SUSD4: variants seen among roughly 807,000 people sequenced by gnomAD.
SUSD4 encodes sushi domain-containing protein 4.
In SUSD4, 41 loss-of-function variants were observed where a neutral mutation model predicts 50.5. That is an observed-to-expected ratio of 0.81 (90% CI 0.63 to 1.05). The LOEUF is 1.05. Ranked by LOEUF, SUSD4 falls within the 50% of genes least tolerant of loss-of-function variation. The pLI, the probability that SUSD4 is intolerant of heterozygous loss-of-function variation, is 0.00. For synonymous variants in SUSD4, 257 were observed against 257.3 expected (o/e 1.00, Z 0.01); for missense variants, 580 against 634.7 (o/e 0.91, Z 0.93).
chr1:223,324,316 G>A (rs1419836826), intron 2 of SUSD4, among the ~76,000 whole-genome samples: 2 of 151,462 alleles, frequency 1.3e-5, no homozygotes, highest in Non-Finnish European at 2.9e-5. Flanking sequence ...AAGGCAGAGT[G>A]TCTTGGGGCC....
chr1:223,349,282 AGT>A (rs981484622), intron 2 of SUSD4, among the ~76,000 whole-genome samples: 1 of 152,242 alleles, frequency 6.6e-6, no homozygotes, highest in Non-Finnish European at 1.5e-5. Context: ...GATGGCCTCC[AGT>A]TACTATGGAT....
At position 223,348,540 on chromosome 1, in the gene SUSD4, T is replaced by C. The variant is rs549808707; in HGVS notation, c.148+14738A>G. 9.2e-5 allele frequency among the ~76,000 whole-genome samples: 14 copies of C among 152,332 alleles called. No homozygotes were observed. In the South Asian group the frequency reaches 2.9e-3, roughly 32 times the overall value. The stretch of plus-strand genomic sequence containing the variant: ...CAAGCCAGTTGTGGCAGGAAACTTT[T>C]CTAAATTGCAGGATGTTTTCAATTG... On this transcript the variant is annotated intron_variant, in intron 2 of 8. Transcript: ENST00000366878.
At chr1:223,335,738 G>A (rs1218691763) in intron 2 of SUSD4, among the ~76,000 whole-genome samples, 2 of 152,124 alleles carry the variant, frequency 1.3e-5, no homozygotes, top group African/African-American at 2.4e-5. Context: ...AATCTAACAC[G>A]AAGCAGTCAA....
intron 2 of SUSD4, among the ~76,000 whole-genome samples, chr1:223,327,225 C>G (rs912426637): frequency 1.3e-5 from 2 of 152,176 alleles, no homozygotes; most frequent in African/African-American, 2.4e-5. Flanking sequence ...TGAAGTAAGA[C>G]AGCAGTGAAA....
At position 223,223,265 on chromosome 1, in the gene SUSD4, G is replaced by T; in HGVS notation, c.1428C>A (p.Gly476=). The T allele has an allele frequency of 6.5e-7, 1 of 1,548,708 alleles. No homozygotes were observed. Among genetic ancestry groups the T allele is most frequent in the South Asian group, 1.2e-5 (1 of 80,186 alleles). Residue 476 remains glycine, a synonymous_variant, in exon 8 of 9, where the codon GGC becomes GGA. Transcript: ENST00000366878. ...AGCACTTACCATCTGCAATGTCGAT[G>T]CCTGGGCTGGTGGATGCCACCTCCT... ...TAEEVASTSP[G]IDIADEIPLM...
At chr1:223,335,916 C>G (rs942341550) in intron 2 of SUSD4, among the ~76,000 whole-genome samples, 2 of 151,664 alleles carry the variant, frequency 1.3e-5, no homozygotes, top group Non-Finnish European at 2.9e-5. Context: ...ATTCTTTGGT[C>G]GATTTCGGGA....
chr1:223,362,945 T>TCCCCCCCCCCCCCCCCCCCC (rs72009594), intron 2 of SUSD4, among the ~76,000 whole-genome samples: 1 of 93,252 alleles, frequency 1.1e-5, no homozygotes. Flanking sequence ...CCCCCACCCC[T>TCCCCCCCCCCCCCCCCCCCC]CCCCCCCCCG....
chr1:223,274,809 T>C (rs1033845423), intron 3 of SUSD4, among the ~76,000 whole-genome samples: 2 of 152,118 alleles, frequency 1.3e-5, no homozygotes. Flanking sequence ...AAAATGACCA[T>C]ACCTGGGCAA....
intron 2 of SUSD4, among the ~76,000 whole-genome samples, chr1:223,344,436 G>A (rs1168557598): frequency 6.6e-6 from 1 of 152,094 alleles, no homozygotes; most frequent in Non-Finnish European, 1.5e-5. Flanking sequence ...CTGTGCTGAT[G>A]TTGCACTCTC....
chr1:223,315,757 G>A (rs944935104), intron 2 of SUSD4, among the ~76,000 whole-genome samples: 1 of 152,098 alleles, frequency 6.6e-6, no homozygotes, highest in African/African-American at 2.4e-5. Context: ...CTTTAAGTTG[G>A]TCTCAGAGAA....
chr1:223,222,991 G>A (rs1181125686), intron 8 of SUSD4, among the ~76,000 whole-genome samples: 1 of 152,180 alleles, frequency 6.6e-6, no homozygotes, highest in African/African-American at 2.4e-5. Flanking sequence ...TGGATGGCTC[G>A]ATGCCTTTTG....
At chr1:223,352,193 G>C (rs1488455793) in intron 2 of SUSD4, among the ~76,000 whole-genome samples, 2 of 152,198 alleles carry the variant, frequency 1.3e-5, no homozygotes, top group African/African-American at 4.8e-5. Flanking sequence ...AGATGCAAAG[G>C]CAACTGCTAC....
intron 5 of SUSD4, among the ~76,000 whole-genome samples, chr1:223,237,448 A>G (rs1660297009): frequency 6.6e-6 from 1 of 151,930 alleles, no homozygotes; most frequent in East Asian, 1.9e-4. Flanking sequence ...GAAAACTTCT[A>G]GTTTCTCTTC....
At chr1:223,350,771 A>G (rs1161040073) in intron 2 of SUSD4, among the ~76,000 whole-genome samples, 3 of 152,188 alleles carry the variant, frequency 2.0e-5, no homozygotes, top group Non-Finnish European at 4.4e-5. Flanking sequence ...CAAGAGGAAA[A>G]GTACAGTGCC....
intron 2 of SUSD4, among the ~76,000 whole-genome samples, chr1:223,321,684 G>C (rs898031574): frequency 6.6e-6 from 1 of 152,156 alleles, no homozygotes; most frequent in South Asian, 2.1e-4. Flanking sequence ...TTGAACCATG[G>C]ATGCCTTTGG....
intron 2 of SUSD4, among the ~76,000 whole-genome samples, chr1:223,359,988 C>T (rs1374986895): frequency 1.3e-5 from 2 of 152,134 alleles, no homozygotes; most frequent in Admixed American, 6.5e-5. Flanking sequence ...TCCAAAATCA[C>T]GGCATTGTCT....
intron 5 of SUSD4, among the ~76,000 whole-genome samples, chr1:223,257,216 ATGACGGGC>A (rs2103056700): frequency 6.6e-6 from 1 of 152,260 alleles, no homozygotes; most frequent in South Asian, 2.1e-4. Context: ...AAGAATGTAG[ATGACGGGC>A]TGGGTGCGGT....
chr1:223,323,061 C>T (rs758935393), intron 2 of SUSD4, among the ~76,000 whole-genome samples: 1 of 152,002 alleles, frequency 6.6e-6, no homozygotes, highest in African/African-American at 2.4e-5. Flanking sequence ...TAGGTAGAGA[C>T]TGAAAGAAGA....
chr1:223,301,597 C>T (rs1665200344), intron 2 of SUSD4, among the ~76,000 whole-genome samples: 1 of 152,150 alleles, frequency 6.6e-6, no homozygotes, highest in Non-Finnish European at 1.5e-5. Context: ...ATCTAGCTTC[C>T]CACAGGCTGA....
Sources: allele counts gnomAD v4.1 joint callset (sites outside exome capture counted in the v4.1 genomes callset), GRCh38; gene constraint gnomAD v4.1.1; transcripts MANE v1.5; gene names NCBI Gene and HGNC (gene_info 2026-07-23, HGNC 2026-07-21).